The following ASAP1 variants were observed in gnomAD, a reference collection of about 807,000 sequenced individuals.
ASAP1 encodes arf-GAP with SH3 domain, ANK repeat and PH domain-containing protein 1.
In ASAP1, 43 loss-of-function variants were observed where a neutral mutation model predicts 145.2. The observed-to-expected ratio is 0.30, with a 90% confidence interval of 0.23 to 0.38. ASAP1 has a LOEUF of 0.38. ASAP1 is among the 10% of genes least tolerant of loss of function. ASAP1 has a pLI of 1.00. For missense variants in ASAP1, 1,018 were observed against 1,355.3 expected (o/e 0.75, Z 3.91); for synonymous variants, 546 against 515.5 (o/e 1.06, Z -0.80).
intron 5 of ASAP1, among the ~76,000 whole-genome samples, chr8:130,211,122 C>T (rs753725972): frequency 6.6e-6 from 1 of 152,164 alleles, no homozygotes; most frequent in African/African-American, 2.4e-5. Flanking sequence ...TGCTTCATAG[C>T]CTCTCGAATC....
chr8:130,397,586 AC>A (rs753498556), intron 2 of ASAP1, among the ~76,000 whole-genome samples: 1 of 152,212 alleles, frequency 6.6e-6, no homozygotes, highest in Non-Finnish European at 1.5e-5. Flanking sequence ...CACAACTATG[AC>A]AGTGACAACA....
At chr8:130,336,084 T>C (rs1230382899) in intron 3 of ASAP1, among the ~76,000 whole-genome samples, 1 of 152,126 alleles carries the variant, frequency 6.6e-6, no homozygotes, top group Non-Finnish European at 1.5e-5. Context: ...CTACCAGAGA[T>C]AGACACCTGG....
chr8:130,373,675 C>T (rs1406749564), intron 2 of ASAP1, among the ~76,000 whole-genome samples: 4 of 151,698 alleles, frequency 2.6e-5, no homozygotes, highest in Non-Finnish European at 5.9e-5. Context: ...ATGGTGAAAC[C>T]CTGTCCCTAC....
At chr8:130,227,087 A>G (rs116442554) in intron 4 of ASAP1, among the ~76,000 whole-genome samples, 94 of 152,320 alleles carry the variant, frequency 6.2e-4, no homozygotes, top group African/African-American at 2.0e-3. Context: ...AGTGTTTAGA[A>G]TTATGGCCTT....
intron 1 of ASAP1, among the ~76,000 whole-genome samples, chr8:130,404,954 C>T (rs1039190411): frequency 2.6e-5 from 4 of 151,868 alleles, no homozygotes; most frequent in African/African-American, 9.7e-5. Context: ...GAGCAGATCC[C>T]AATCAACCAC....
intron 3 of ASAP1, among the ~76,000 whole-genome samples, chr8:130,249,549 T>G (rs1253675220): frequency 1.3e-5 from 2 of 152,168 alleles, no homozygotes; most frequent in East Asian, 3.9e-4. Flanking sequence ...AGATTGGGTT[T>G]TATCACCCAA....
intron 2 of ASAP1, among the ~76,000 whole-genome samples, chr8:130,393,976 A>G (rs538454295): frequency 2.0e-5 from 3 of 152,296 alleles, no homozygotes; most frequent in Admixed American, 2.0e-4. Flanking sequence ...GCCTGTCTTT[A>G]CTTTAATCTC....
At chr8:130,055,238 T>C (rs909513831) in intron 29 of ASAP1, among the ~76,000 whole-genome samples, 5 of 151,392 alleles carry the variant, frequency 3.3e-5, no homozygotes, top group African/African-American at 4.9e-5. Flanking sequence ...GCCTTTTCTC[T>C]GTTAAGTGGG....
At chr8:130,309,495 G>A (rs1319849870) in intron 3 of ASAP1, among the ~76,000 whole-genome samples, 1 of 152,174 alleles carries the variant, frequency 6.6e-6, no homozygotes, top group Non-Finnish European at 1.5e-5. Flanking sequence ...ATCATAAGAT[G>A]AGGCACGGTA....
intron 3 of ASAP1, among the ~76,000 whole-genome samples, chr8:130,303,852 T>C (rs1822824783): frequency 6.6e-6 from 1 of 152,178 alleles, no homozygotes; most frequent in Non-Finnish European, 1.5e-5. Context: ...AGAGGATACA[T>C]ATCATCGCAC....
intron 4 of ASAP1, 129 bp from the exon 5 acceptor site, chr8:130,214,830 G>T: frequency 1.4e-6 from 1 of 738,070 alleles, no homozygotes; most frequent in South Asian, 2.1e-5. Flanking sequence ...TATTGCACAT[G>T]TCCCAAAGGT....
chr8:130,386,841 T>A (rs1193436979), intron 2 of ASAP1: 1 of 152,198 alleles, frequency 6.6e-6, no homozygotes, highest in Non-Finnish European at 1.5e-5. Context: ...CCAAAAACTG[T>A]CACTCCACAC....
At chr8:130,179,616 C>T (rs1814206334) in intron 8 of ASAP1, among the ~76,000 whole-genome samples, 2 of 152,054 alleles carry the variant, frequency 1.3e-5, no homozygotes, top group South Asian at 4.1e-4. Flanking sequence ...TTATTATTTC[C>T]CCTTGGTGCA....
intron 5 of ASAP1, among the ~76,000 whole-genome samples, chr8:130,198,046 C>T (rs1815620188): frequency 6.6e-6 from 1 of 152,150 alleles, no homozygotes; most frequent in Admixed American, 6.5e-5. Flanking sequence ...CCTCTTGAAC[C>T]TGGTGCCTTC....
chr8:130,254,379 G>A (rs544358117), intron 3 of ASAP1, among the ~76,000 whole-genome samples: 32 of 152,200 alleles, frequency 2.1e-4, no homozygotes, highest in Non-Finnish European at 2.2e-4. Context: ...CTCAAATGGT[G>A]AGAAGTAATC....
intron 2 of ASAP1, among the ~76,000 whole-genome samples, chr8:130,391,197 A>C (rs1369575849): frequency 1.3e-5 from 2 of 152,206 alleles, no homozygotes; most frequent in Non-Finnish European, 2.9e-5. Flanking sequence ...ATATTGTATG[A>C]TTCCACTTAT....
intron 3 of ASAP1, 48 bp from the exon 4 acceptor site, chr8:130,237,042 A>G: frequency 7.2e-7 from 1 of 1,391,624 alleles, no homozygotes; most frequent in Non-Finnish European, 9.8e-7. Context: ...TTGGTAAATT[A>G]AAAAAATAAT....
chr8:130,280,684 T>C (rs1338523533), intron 3 of ASAP1, among the ~76,000 whole-genome samples: 1 of 152,262 alleles, frequency 6.6e-6, no homozygotes, highest in Non-Finnish European at 1.5e-5. Context: ...AAATTTGTAA[T>C]AAAATAGTCA....
chr8:130,236,752 T>G (rs1467900814), intron 4 of ASAP1, among the ~76,000 whole-genome samples, 170 bp downstream of exon 4: 2 of 152,144 alleles, frequency 1.3e-5, no homozygotes, highest in African/African-American at 4.8e-5. Context: ...GAAACACTAA[T>G]AGGTTTGGGC....
Sources: gnomAD v4.1 joint callset for allele counts (sites outside exome capture counted in the v4.1 genomes callset) on GRCh38, gnomAD v4.1.1 for gene constraint, MANE v1.5 for transcripts, NCBI Gene and HGNC (gene_info 2026-07-23, HGNC 2026-07-21) for gene names.